Variants in CNIH4 observed in about 807,000 individuals in gnomAD.
CNIH4 encodes cornichon family member 4.
In CNIH4, 9 loss-of-function variants were observed where a neutral mutation model predicts 21.5. That is an observed-to-expected ratio of 0.42 (90% CI 0.25 to 0.73). The LOEUF is 0.73. CNIH4 is among the 30% of genes least tolerant of loss of function. The pLI, the probability that CNIH4 is intolerant of heterozygous loss-of-function variation, is 0.27. For missense variants in CNIH4, 159 were observed against 170.0 expected, an observed-to-expected ratio of 0.94 and a Z score of 0.36; for synonymous variants, 67 against 59.1, an observed-to-expected ratio of 1.13 and a Z score of -0.61.
rs538273649 is a variant in CNIH4 at position 224,369,571 on chromosome 1, G to A, written c.252-1712G>A. On this transcript the variant is annotated intron_variant, in intron 3 of 4. Transcript: ENST00000465271. ...AGCCTGGGCAACAGAGCGAGATTAC[G>A]TCTAAAAATAATAATAATAATAAAC... 3.9e-5 allele frequency among the ~76,000 whole-genome samples: 6 copies of A among 152,038 alleles called. No homozygotes were observed. The East Asian group carries it at 5.8e-4, about 15-fold the overall frequency.
chr1:224,357,190 C>T (rs1405610642), intron 1 of CNIH4, 197 bp downstream of exon 1: 2 of 593,338 alleles, frequency 3.4e-6, no homozygotes, highest in Non-Finnish European at 5.9e-6. Context: ...CCGACGGGCC[C>T]TGCTGCCCTG....
intron 3 of CNIH4, among the ~76,000 whole-genome samples, chr1:224,366,619 G>A (rs1415086541): frequency 6.6e-6 from 1 of 151,530 alleles, no homozygotes; most frequent in Non-Finnish European, 1.5e-5. Context: ...AAAGTGCTGG[G>A]ATTACAGGTG....
At chr1:224,370,091 AG>A (rs1169568936) in intron 3 of CNIH4, among the ~76,000 whole-genome samples, 1 of 152,150 alleles carries the variant, frequency 6.6e-6, no homozygotes, top group African/African-American at 2.4e-5. Context: ...AAATACAAAA[AG>A]GAAAAAAAAG....
In CNIH4 at chr1:224,379,431, GATTGTTGAGT is replaced by G. The variant is rs781646534; in HGVS notation, c.*3610_*3619del. On this transcript the variant is annotated 3_prime_UTR_variant, in exon 5 of 5. Coordinates refer to ENST00000465271, the MANE Select transcript of CNIH4 (RefSeq NM_014184.4). The stretch of plus-strand genomic sequence containing the variant: ...AGTGCCTTGCACACAAACAATAAAT[GATTGTTGAGT>G]GAATAAGTAAACCTGATTGTGGTGT... 5.9e-4 allele frequency: 152 copies of G among 257,452 alleles called. 1 individual carries two copies. The highest frequency in any genetic ancestry group is 1.7e-3 in the Admixed American group (33 of 19,796). The allele number at this position is 257,452 out of a possible 1,614,324, so 15.9% of individuals were successfully genotyped here. A position where few individuals can be genotyped will look rare whatever the true frequency, so the allele number is the denominator to read the frequency against.
At chr1:224,366,813 A>T (rs968959524) in intron 3 of CNIH4, among the ~76,000 whole-genome samples, 1 of 151,104 alleles carries the variant, frequency 6.6e-6, no homozygotes, top group African/African-American at 2.4e-5. Flanking sequence ...AAAAAAAAAA[A>T]TTAGCCAGGC....
rs1391388274 is a variant in CNIH4, at chr1:224,356,896, G to T, written c.-29G>T. 5 of 1,584,698 alleles carry T rather than the reference G, an allele frequency of 3.2e-6. No individual in the cohort carries two copies. Among genetic ancestry groups the T allele is most frequent in the African/African-American group, 2.7e-5 (2 of 74,466 alleles). ...GTCGGGGCATCCGAGCGGGTTTGAC[G>T]GAAGGAGCGGCGGCGACGGAGGAGG... is the stretch of plus-strand genomic sequence containing the variant. On this transcript the variant is annotated 5_prime_UTR_variant, in exon 1 of 5. Coordinates refer to ENST00000465271, the MANE Select transcript of CNIH4 (RefSeq NM_014184.4).
chr1:224,357,014 C>G, intron 1 of CNIH4, 21 bp downstream of exon 1: 2 of 1,599,408 alleles, frequency 1.3e-6, no homozygotes, highest in Non-Finnish European at 8.5e-7. Flanking sequence ...CTGAGGCAGG[C>G]GAACGCCTTG....
chr1:224,357,862 CTT>C (rs1672163084), intron 1 of CNIH4, among the ~76,000 whole-genome samples: 1 of 152,210 alleles, frequency 6.6e-6, no homozygotes, highest in African/African-American at 2.4e-5. Flanking sequence ...CTTCCCATCT[CTT>C]GACAAAGCAT....
At position 224,377,818 on chromosome 1, in the gene CNIH4, T is replaced by G. The variant is rs1672821821; in HGVS notation, c.*1996T>G. The G allele has an allele frequency of 1.3e-5, 2 of 152,104 alleles. No homozygotes were observed. Among genetic ancestry groups the G allele is most frequent in the African/African-American group, 4.8e-5 (2 of 41,384 alleles). The allele number at this position is 152,104 out of a possible 1,614,324, so 9.4% of individuals were successfully genotyped here. On this transcript the variant is annotated 3_prime_UTR_variant, in exon 5 of 5. Transcript: ENST00000465271. ...TTGACCAAAATGTTTCACCTTCTCATTCAGATATTCTTAGTAACCAAAACA... is the reference window on the plus strand; with the variant it reads ...TTGACCAAAATGTTTCACCTTCTCAGTCAGATATTCTTAGTAACCAAAACA...
chr1:224,372,374 A>G (rs1358860743), intron 4 of CNIH4, among the ~76,000 whole-genome samples: 2 of 152,224 alleles, frequency 1.3e-5, no homozygotes, highest in African/African-American at 4.8e-5. Context: ...CGATTTGATT[A>G]AACCTTTGAA....
Position 224,376,939 on chromosome 1 carries a change from A to G in CNIH4, c.*1117A>G, listed in dbSNP as rs900425009. On this transcript the variant is annotated 3_prime_UTR_variant, in exon 5 of 5. Transcript: ENST00000465271. ...TTAAGCACTGGCATTTGGGCAAAAC[A>G]TGACTGTGTTCTGTGGGAGAATCCA... The G allele has an allele frequency of 1.0e-6, 1 of 981,840 alleles. No individual in the cohort carries two copies. The highest frequency in any genetic ancestry group is 1.2e-6 in the Non-Finnish European group (1 of 826,766). The allele number at this position is 981,840 out of a possible 1,614,324, so 60.8% of individuals were successfully genotyped here. A position where few individuals can be genotyped will look rare whatever the true frequency, so the allele number is the denominator to read the frequency against.
At chr1:224,371,244 T>A in intron 3 of CNIH4, 39 bp from the exon 4 acceptor site, 1 of 1,584,968 alleles carries the variant, frequency 6.3e-7, no homozygotes, top group Non-Finnish European at 8.6e-7. Flanking sequence ...GCCTATGATT[T>A]GATTATCCTT....
Position 224,376,841 on chromosome 1 carries a change from T to G in CNIH4, c.*1019T>G, listed in dbSNP as rs2102872926. Reference sequence around the variant, plus strand: ...AGCAGTTCACCTCCTTAGCTCTGTTTGCCAGCTCTTACAGGGTAAAATAAA... The same window carrying G: ...AGCAGTTCACCTCCTTAGCTCTGTTGGCCAGCTCTTACAGGGTAAAATAAA... On this transcript the variant is annotated 3_prime_UTR_variant, in exon 5 of 5. Coordinates refer to ENST00000465271, the MANE Select transcript of CNIH4 (RefSeq NM_014184.4). 11 of 985,450 alleles carry G rather than the reference T, an allele frequency of 1.1e-5. No individual in the cohort carries two copies. In the South Asian group the frequency reaches 4.2e-4, roughly 38 times the overall value. The allele number at this position is 985,450 out of a possible 1,614,324, so 61.0% of individuals were successfully genotyped here.
intron 3 of CNIH4, among the ~76,000 whole-genome samples, chr1:224,366,226 G>C (rs1450920465): frequency 1.3e-5 from 2 of 152,052 alleles, no homozygotes; most frequent in African/African-American, 4.8e-5. Flanking sequence ...ATTTTTACTA[G>C]AGACAGGGTT....
intron 1 of CNIH4, among the ~76,000 whole-genome samples, chr1:224,358,251 G>A (rs1421071436): frequency 6.6e-6 from 1 of 152,220 alleles, no homozygotes; most frequent in African/African-American, 2.4e-5. Context: ...ATGGTGCTGA[G>A]CACCCTAGCA....
chr1:224,367,442 C>T (rs567665225), intron 3 of CNIH4, among the ~76,000 whole-genome samples: 1 of 151,698 alleles, frequency 6.6e-6, no homozygotes, highest in Non-Finnish European at 1.5e-5. Flanking sequence ...ATATCTGTGT[C>T]TCTTTTCTAG....
At chr1:224,366,964 GAAAA>G (rs10707628) in intron 3 of CNIH4, among the ~76,000 whole-genome samples, 1 of 88,416 alleles carries the variant, frequency 1.1e-5, no homozygotes, top group Admixed American at 1.2e-4. Flanking sequence ...TCCGTCTCAA[GAAAA>G]AAAAAAAAAA....
chr1:224,373,307 T>C (rs932600953), intron 4 of CNIH4, among the ~76,000 whole-genome samples: 1 of 152,180 alleles, frequency 6.6e-6, no homozygotes, highest in Admixed American at 6.5e-5. Flanking sequence ...CAAGCTGGAA[T>C]TGGCTTAGCT....
chr1:224,360,628 T>G, intron 2 of CNIH4, 65 bp downstream of exon 2: 1 of 779,476 alleles, frequency 1.3e-6, no homozygotes, highest in African/African-American at 1.8e-5. Flanking sequence ...TTAAGATTAT[T>G]ATAGATAACA....
Sources: allele counts gnomAD v4.1 joint callset (sites outside exome capture counted in the v4.1 genomes callset), GRCh38; gene constraint gnomAD v4.1.1; transcripts MANE v1.5; gene names NCBI Gene and HGNC (gene_info 2026-07-23, HGNC 2026-07-21).